Variants in CARD10 observed in about 807,000 individuals in gnomAD.
CARD10 encodes the protein caspase recruitment domain family member 10, also known as caspase recruitment domain-containing protein 10.
Under a neutral mutation model 114.6 loss-of-function variants are expected in CARD10, and 49 were observed. That is an observed-to-expected ratio of 0.43 (90% confidence interval 0.34 to 0.54). The LOEUF (loss-of-function observed/expected upper bound fraction) is 0.54. CARD10 is among the 20% of genes least tolerant of loss of function. The pLI is 0.03. For missense variants in CARD10, 1,206 were observed against 1,397.2 expected (o/e 0.86, Z 2.18); for synonymous variants, 602 against 593.2 (o/e 1.01, Z -0.21).
chr22:37,499,456 C>G (rs1923132866), intron 11 of CARD10, among the ~76,000 whole-genome samples: 1 of 152,150 alleles, frequency 6.6e-6, no homozygotes, highest in South Asian at 2.1e-4. Context: ...CTCTCCAGAC[C>G]AGAGCCCAGT....
chr22:37,499,808 G>A (rs1049595495), intron 11 of CARD10, among the ~76,000 whole-genome samples: 11 of 151,728 alleles, frequency 7.2e-5, no homozygotes, highest in African/African-American at 2.4e-4. Flanking sequence ...CCAGCCCCCC[G>A]CCTCAGCAGA....
Position 37,496,033 on chromosome 22 carries a change from G to A in CARD10, c.2060-30C>T. 2 of 1,609,808 alleles carry A rather than the reference G, an allele frequency of 1.2e-6. No homozygotes were observed. The highest frequency in any genetic ancestry group is 1.7e-6 in the Non-Finnish European group (2 of 1,177,312). On this transcript the variant is annotated intron_variant, in intron 13 of 19. Transcript: ENST00000251973. The surrounding 1 kb of genome is among the most constrained non-coding windows in gnomAD (Gnocchi z 4.1). ...GCATGGATGGGGCAGGGGGCAGCAA[G>A]GAGGACAAGAGGAGGATGGTGAGGT... is the stretch of plus-strand genomic sequence containing the variant.
At position 37,510,253 on chromosome 22, in the gene CARD10, G is replaced by A. The variant is rs1347659303; in HGVS notation, c.868C>T (p.Leu290=). ...VSELRAENQR[L]TASLRELQEG... is the part of the protein sequence containing the mutation. Reference sequence around the variant, plus strand: ...TGCAACTCCCGCAGTGACGCCGTCAGCCGCTGGTTCTCAGCACGCAGCTCA... The same window carrying A: ...TGCAACTCCCGCAGTGACGCCGTCAACCGCTGGTTCTCAGCACGCAGCTCA... Residue 290 remains leucine, a synonymous_variant, in exon 4 of 20, where the codon CTG becomes TTG. Transcript: ENST00000251973. 5.3e-5 allele frequency: 85 copies of A among 1,603,060 alleles called. No individual in the cohort carries two copies. The highest frequency in any genetic ancestry group is 7.0e-5 in the Non-Finnish European group (83 of 1,179,910).
chr22:37,518,071 C>T lies in CARD10; in HGVS notation c.273G>A (p.Arg91=). The part of the protein sequence containing the change: ...LMDILRCRGK[R]GYEAFLEALE... ...GGGCTTCCAGGAAGGCCTCATAGCC[C>T]CTCTTGCCACGGCAGCGCAAGATGT... The change falls in exon 2 of 20, where the codon AGG becomes AGA. Residue 91 remains arginine (R), a synonymous_variant. Transcript: ENST00000251973. 6.2e-7 allele frequency: 1 copy of T among 1,614,006 alleles called. No individual in the cohort carries two copies. The highest frequency in any genetic ancestry group is 8.5e-7 in the Non-Finnish European group (1 of 1,179,942).
chr22:37,494,175 G>T lies in CARD10; in HGVS notation c.2387C>A (p.Ala796Asp). 1.3e-6 allele frequency: 2 copies of T among 1,554,362 alleles called. No homozygotes were observed. Among genetic ancestry groups the T allele is most frequent in the Non-Finnish European group, 1.7e-6 (2 of 1,148,912 alleles). Residue 796 changes from alanine to aspartate, a missense_variant, in exon 16 of 20, where the codon GCC becomes GAC. Transcript: ENST00000251973. ...RGPRSNLKKR[A>D]LDQLRLVRPK... ...CCTCACCAGCCGCAGCTGGTCCAGG[G>T]CTCTCTTCTTCAGCTGGGAGGGTGC...
At chr22:37,514,235 GA>G (rs1923760210) in intron 3 of CARD10, among the ~76,000 whole-genome samples, 1 of 152,098 alleles carries the variant, frequency 6.6e-6, no homozygotes, top group Non-Finnish European at 1.5e-5. Context: ...AGGGTGGCTG[GA>G]AAATTAAAGG....
In CARD10 at chr22:37,510,825, A is replaced by G. The variant is rs1021266808; in HGVS notation, c.700-404T>C. ...CACAGTGGCTCACGCCTGTAATCCC[A>G]GCACTTTGGGAGGCTGAGGCGGGCC... On this transcript the variant is annotated intron_variant, in intron 3 of 19. Transcript: ENST00000251973. 7.3e-4 allele frequency among the ~76,000 whole-genome samples: 111 copies of G among 152,222 alleles called. 2 individuals are homozygous for G. Among genetic ancestry groups the G allele is most frequent in the Admixed American group, 9.8e-4 (15 of 15,278 alleles).
chr22:37,508,770 C>T (rs532422222), intron 4 of CARD10, 88 bp from the exon 5 acceptor site: 2 of 1,403,632 alleles, frequency 1.4e-6, no homozygotes, highest in Non-Finnish European at 1.9e-6. Flanking sequence ...GCTCTCAGCC[C>T]TCCAAACCCA....
At chr22:37,499,312 G>C in intron 11 of CARD10, among the ~76,000 whole-genome samples, 1 of 152,068 alleles carries the variant, frequency 6.6e-6, no homozygotes, top group East Asian at 1.9e-4. Context: ...TCTCAGAACA[G>C]GGCCCAGGAG....
rs774583145 is a variant in CARD10, at chr22:37,492,676, C to T, written c.2603G>A (p.Ser868Asn). The change falls in exon 17 of 20, where the codon AGC becomes AAC. Residue 868 changes from serine to asparagine, a missense_variant. Ser to Asn is a conservative substitution (Grantham distance 46, BLOSUM62 1). This residue lies in a region of CARD10 where 1,068 missense variants were observed against 1,179.1 expected (regional missense o/e 0.91). Transcript: ENST00000251973. The surrounding 1 kb of genome is among the most constrained non-coding windows in gnomAD (Gnocchi z 5.7). Reference protein sequence around the residue: ...RLIRNLLDLPSSRLDFQVCPA... With the variant: ...RLIRNLLDLPNSRLDFQVCPA... The stretch of plus-strand genomic sequence containing the variant: ...GCACACTTGGAAGTCCAGCCGGGAG[C>T]TGGGCAGGTCTAGCAGGTTACGGAT... 1 of 1,613,080 alleles carries T rather than the reference C, an allele frequency of 6.2e-7. No homozygotes were observed. The highest frequency in any genetic ancestry group is 2.2e-5 in the East Asian group (1 of 44,866).
chr22:37,491,415 G>C, intron 19 of CARD10, 22 bp from the exon 20 acceptor site: 3 of 1,448,428 alleles, frequency 2.1e-6, no homozygotes, highest in Non-Finnish European at 2.7e-6. Context: ...AGAGTGAGCA[G>C]CGGTCAAAGT....
intron 7 of CARD10, among the ~76,000 whole-genome samples, chr22:37,505,260 A>C (rs908332484): frequency 3.9e-5 from 6 of 152,156 alleles, no homozygotes; most frequent in Non-Finnish European, 8.8e-5. Flanking sequence ...AAACAGCAAA[A>C]AAGCCACTGG....
chr22:37,499,854 G>A (rs893608106), intron 11 of CARD10, among the ~76,000 whole-genome samples: 1 of 152,060 alleles, frequency 6.6e-6, no homozygotes, highest in Non-Finnish European at 1.5e-5. Context: ...ACAGCAGGGA[G>A]AGGGGCTGCC....
In CARD10 at chr22:37,496,556, C is replaced by T. The variant is rs1383386416; in HGVS notation, c.1952G>A (p.Arg651Lys). Residue 651 changes from arginine to lysine, a missense_variant, in exon 13 of 20, where the codon AGG (arginine) becomes AAG (lysine). Arg to Lys is a conservative substitution (Grantham distance 26, BLOSUM62 2). This residue lies in a region of CARD10 where 1,068 missense variants were observed against 1,179.1 expected (regional missense o/e 0.91). Transcript: ENST00000251973. This position sits in a 1 kb window ranked among gnomAD's most constrained non-coding sequence, Gnocchi z 4.1. ...CCCCTCCAGACCAGCAGCTTCCACCCTTTGCTGGGAGAAAACCCAGGCAGG... is the reference window on the plus strand; with the variant it reads ...CCCCTCCAGACCAGCAGCTTCCACCTTTTGCTGGGAGAAAACCCAGGCAGG... ...GSARMEPREQ[R>K]VEAAGLEGAC... 2 of 1,611,670 alleles carry T rather than the reference C, an allele frequency of 1.2e-6. No homozygotes were observed. Among genetic ancestry groups the T allele is most frequent in the Non-Finnish European group, 1.7e-6 (2 of 1,178,494 alleles).
Position 37,516,878 on chromosome 22 carries a change from T to A in CARD10, c.374-580A>T, listed in dbSNP as rs182055272. 1.2e-3 allele frequency among the ~76,000 whole-genome samples: 181 copies of A among 152,366 alleles called. 1 individual carries two copies. Among genetic ancestry groups the A allele is most frequent in the Non-Finnish European group, 2.2e-3 (148 of 68,034 alleles). On this transcript the variant is annotated intron_variant, in intron 2 of 19. Transcript: ENST00000251973. Reference sequence around the variant, plus strand: ...GAGCAGTTATTTACCCAAGGTTTAATAACTAGTAACCTGTGAACTGTATCA... The same window carrying A: ...GAGCAGTTATTTACCCAAGGTTTAAAAACTAGTAACCTGTGAACTGTATCA...
chr22:37,505,273 G>T (rs918998774), intron 7 of CARD10, among the ~76,000 whole-genome samples: 3 of 151,424 alleles, frequency 2.0e-5, no homozygotes, highest in Admixed American at 1.3e-4. Flanking sequence ...GCCACTGGGG[G>T]TTAAAAAAAA....
Position 37,502,586 on chromosome 22 carries a change from C to T in CARD10, c.1787+16G>A. 6.2e-7 allele frequency: 1 copy of T among 1,611,754 alleles called. No homozygotes were observed. The highest frequency in any genetic ancestry group is 1.1e-5 in the South Asian group (1 of 90,858). ...GCAATCACCCCAGCTCCACCCACTG[C>T]AGGCAGCTACAGTACCTGTTGAGGA... On this transcript the variant is annotated intron_variant, in intron 11 of 19. Transcript: ENST00000251973.
chr22:37,510,712 C>A, intron 3 of CARD10: 1 of 425,808 alleles, frequency 2.3e-6, no homozygotes. Context: ...GTCTGTCCCG[C>A]ACTTCTGACA....
chr22:37,518,630 G>GA (rs1165103409), intron 1 of CARD10, among the ~76,000 whole-genome samples: 2 of 152,220 alleles, frequency 1.3e-5, no homozygotes, highest in Non-Finnish European at 2.9e-5. Flanking sequence ...AAGAGCGCAG[G>GA]AAAGGTGCCA....
Sources: gnomAD v4.1 joint callset for allele counts (sites outside exome capture counted in the v4.1 genomes callset) on GRCh38, gnomAD v4.1.1 for gene constraint, gnomAD v4.1.1 regional missense constraint, Gnocchi (gnomAD v3.1) non-coding constraint, MANE v1.5 for transcripts, NCBI Gene and HGNC (gene_info 2026-07-23, HGNC 2026-07-21) for gene names.